HMMR: variants seen among roughly 807,000 people sequenced by gnomAD.
HMMR encodes the protein intracellular hyaluronic acid-binding protein.
Under a neutral mutation model 101.0 loss-of-function variants are expected in HMMR, and 108 were observed. The observed-to-expected ratio is 1.07, with a 90% CI of 0.92 to 1.25. The LOEUF is 1.25. Among genes scored for constraint, HMMR ranks in the 50% most tolerant of loss-of-function variants. The pLI is 0.00. For missense variants in HMMR, 813 were observed against 788.7 expected, an observed-to-expected ratio of 1.03 and a Z score of -0.37; for synonymous variants, 296 against 276.4, an observed-to-expected ratio of 1.07 and a Z score of -0.70.
At chr5:163,473,872 G>T (rs1330799060) in intron 9 of HMMR, among the ~76,000 whole-genome samples, 185 bp from the exon 10 acceptor site, 2 of 152,002 alleles carry the variant, frequency 1.3e-5, no homozygotes, top group Non-Finnish European at 2.9e-5. Flanking sequence ...AACAAGATTT[G>T]TGGGTTTTAT....
chr5:163,481,946 G>A (rs145412324), intron 12 of HMMR, among the ~76,000 whole-genome samples: 39 of 151,964 alleles, frequency 2.6e-4, no homozygotes, highest in African/African-American at 3.4e-4. Context: ...TCGGAGTTTC[G>A]CTCTTGTTGC....
chr5:163,464,383 A>C (rs1758632539), intron 2 of HMMR, among the ~76,000 whole-genome samples: 1 of 152,226 alleles, frequency 6.6e-6, no homozygotes, highest in Admixed American at 6.5e-5. Context: ...TGTGAGGCCA[A>C]GGTGGGTGGA....
Position 163,490,406 on chromosome 5 carries a change from G to T in HMMR, c.1979G>T (p.Arg660Leu). 1 of 1,578,638 alleles carries T rather than the reference G, an allele frequency of 6.3e-7. No homozygotes were observed. Among genetic ancestry groups the T allele is most frequent in the Non-Finnish European group, 8.6e-7 (1 of 1,163,610 alleles). ...TTTACCTAGGAAGTATCAAAACTCC[G>T]CTGTCAGCTTGCTAAAAAAAAACAA... is the stretch of plus-strand genomic sequence containing the variant. ...SQLKSEVSKL[R>L]CQLAKKKQSE... The change falls in exon 17 of 18, where the codon CGC (arginine) becomes CTC (leucine). Residue 660 changes from arginine (R) to leucine (L), a missense_variant. Physicochemically the swap from Arg to Leu is moderately radical, Grantham distance 102 (BLOSUM62 -2). Transcript: ENST00000393915.
At position 163,469,688 on chromosome 5, in the gene HMMR, G is replaced by C. The variant is rs750384661; in HGVS notation, c.321G>C (p.Gln107His). Reference protein sequence around the residue: ...QERGAQDRRIQDLETELEKME... With the variant: ...QERGAQDRRIHDLETELEKME... The stretch of plus-strand genomic sequence containing the variant: ...GTGGTGCCCAGGACAGGCGGATCCA[G>C]GATCTGGAAACTGAGTTGGAAAAGA... Residue 107 changes from glutamine (Q) to histidine (H), a missense_variant, in exon 5 of 18, where the codon CAG becomes CAC. Transcript: ENST00000393915. The C allele has an allele frequency of 4.3e-6, 7 of 1,613,942 alleles. No individual in the cohort carries two copies. Among genetic ancestry groups the C allele is most frequent in the African/African-American group, 1.3e-5 (1 of 74,998 alleles).
chr5:163,469,879 T>C (rs1462248508), intron 5 of HMMR, 50 bp downstream of exon 5: 2 of 1,337,712 alleles, frequency 1.5e-6, no homozygotes, highest in East Asian at 2.4e-5. Flanking sequence ...ATAAACACGT[T>C]TTTTAGGGCC....
At chr5:163,470,273 TG>T (rs1273689147) in intron 5 of HMMR, among the ~76,000 whole-genome samples, 2 of 152,180 alleles carry the variant, frequency 1.3e-5, no homozygotes, top group African/African-American at 4.8e-5. Context: ...TTTAGAGTCT[TG>T]CAATGGACTT....
chr5:163,468,214 CAT>C (rs1427217287), intron 4 of HMMR, among the ~76,000 whole-genome samples: 3 of 152,192 alleles, frequency 2.0e-5, no homozygotes, highest in African/African-American at 7.2e-5. Flanking sequence ...GGTGAAATAA[CAT>C]AGAGCTGTGC....
At position 163,490,429 on chromosome 5, in the gene HMMR, C is replaced by G. The variant is rs1473656182; in HGVS notation, c.2002C>G (p.Gln668Glu). The G allele has an allele frequency of 1.3e-6, 2 of 1,585,998 alleles. No homozygotes were observed. Among genetic ancestry groups the G allele is most frequent in the Admixed American group, 3.7e-5 (2 of 53,966 alleles). ...KLRCQLAKKK[Q>E]SETKLQEELN... ...CCGCTGTCAGCTTGCTAAAAAAAAA[C>G]AAAGTGAGACAAAACTTCAAGAGGA... Residue 668 changes from glutamine (Q) to glutamate (E), a missense_variant, in exon 17 of 18, where the codon CAA (glutamine) becomes GAA (glutamate). Gln to Glu is a conservative substitution (Grantham distance 29). Transcript: ENST00000393915.
At chr5:163,481,187 A>T (rs1349977309) in intron 12 of HMMR, among the ~76,000 whole-genome samples, 2 of 151,974 alleles carry the variant, frequency 1.3e-5, no homozygotes, top group African/African-American at 4.8e-5. Flanking sequence ...TTCCCCAGTG[A>T]TCTGTTCCCA....
At chr5:163,461,372 C>T (rs1758526849) in intron 1 of HMMR, among the ~76,000 whole-genome samples, 1 of 152,170 alleles carries the variant, frequency 6.6e-6, no homozygotes, top group Admixed American at 6.5e-5. Flanking sequence ...TAAATTTGCT[C>T]AGTGCTACAT....
In HMMR at chr5:163,483,114, A is replaced by T. The variant is rs200597994; in HGVS notation, c.1627A>T (p.Asn543Tyr). 1.3e-4 allele frequency: 206 copies of T among 1,612,514 alleles called. No homozygotes were observed. Among genetic ancestry groups the T allele is most frequent in the Non-Finnish European group, 1.6e-4 (193 of 1,179,434 alleles). Reference protein sequence around the residue: ...SFLQKITDLQNQLKQQEEDFR... With the variant: ...SFLQKITDLQYQLKQQEEDFR... ...TCTTCAAAAAATAACTGATTTGCAG[A>T]ACCAACTCAAGCAACAGGAGGAAGA... is the stretch of plus-strand genomic sequence containing the variant. The change falls in exon 14 of 18, where the codon AAC becomes TAC. Residue 543 changes from asparagine (N) to tyrosine (Y), a missense_variant. Physicochemically the swap from Asn to Tyr is moderately radical, Grantham distance 143 (BLOSUM62 -2). Transcript: ENST00000393915.
At position 163,474,220 on chromosome 5, in the gene HMMR, T is replaced by C. The variant is rs1437205958; in HGVS notation, c.1053+15T>C. The C allele has an allele frequency of 6.3e-7, 1 of 1,590,948 alleles. No homozygotes were observed. The highest frequency in any genetic ancestry group is 1.1e-5 in the South Asian group (1 of 88,260). On this transcript the variant is annotated intron_variant, in intron 10 of 17. Transcript: ENST00000393915. ...AACAAGAGAAAGTAATTTACCACCA[T>C]ATTTTTTTAAACTGTTCATTTTGTG...
chr5:163,467,014 T>C (rs1235611792), intron 3 of HMMR, among the ~76,000 whole-genome samples: 1 of 152,174 alleles, frequency 6.6e-6, no homozygotes, highest in Non-Finnish European at 1.5e-5. Flanking sequence ...AAAATAATAG[T>C]CCTTCCCCAT....
intron 17 of HMMR, 107 bp downstream of exon 17, chr5:163,490,659 C>T: frequency 1.2e-6 from 1 of 800,858 alleles, no homozygotes. Context: ...TTGACACCTT[C>T]TGATAAAAGC....
rs745439290 is a variant in HMMR at position 163,463,914 on chromosome 5, A to G, written c.105A>G (p.Pro35=). The G allele has an allele frequency of 1.5e-5, 22 of 1,476,646 alleles. No individual in the cohort carries two copies. The highest frequency in any genetic ancestry group is 4.3e-4 in the Middle Eastern group (2 of 4,610). The allele number at this position is 1,476,646 out of a possible 1,614,324, so 91.5% of individuals were successfully genotyped here. A position where few individuals can be genotyped will look rare whatever the true frequency, so the allele number is the denominator to read the frequency against. ...AAACTTTAGAAGTATTGAAAGGACC[A>G]GTATCCTTTCAGAAATCACAAAGAT... ...DVKTLEVLKG[P]VSFQKSQRFK... The change falls in exon 2 of 18, where the codon CCA becomes CCG. Residue 35 remains proline, a synonymous_variant. Transcript: ENST00000393915.
intron 3 of HMMR, 171 bp downstream of exon 3, chr5:163,464,973 A>C: frequency 1.7e-6 from 1 of 582,780 alleles, no homozygotes; most frequent in Non-Finnish European, 3.0e-6. Context: ...ATTTCTGCCT[A>C]GGTCATTATG....
intron 3 of HMMR, among the ~76,000 whole-genome samples, chr5:163,465,892 C>G (rs1210088674): frequency 6.7e-6 from 1 of 148,302 alleles, no homozygotes; most frequent in African/African-American, 2.5e-5. Flanking sequence ...ACCTGGGAGG[C>G]AGAGGTTGCA....
Position 163,490,514 on chromosome 5 carries a change from G to A in HMMR, c.2087G>A (p.Ser696Asn), listed in dbSNP as rs760877339. The A allele has an allele frequency of 7.5e-6, 12 of 1,603,016 alleles. No individual in the cohort carries two copies. Among genetic ancestry groups the A allele is most frequent in the Non-Finnish European group, 1.0e-5 (12 of 1,176,864 alleles). ...FDPSKAFHHE[S>N]KENFALKTPL... ...CCTTCAAAGGCTTTTCATCATGAAAGTAAAGAAAATTTTGCCCTGAAGACC... is the reference window on the plus strand; with the variant it reads ...CCTTCAAAGGCTTTTCATCATGAAAATAAAGAAAATTTTGCCCTGAAGACC... Residue 696 changes from serine (S) to asparagine (N), a missense_variant, in exon 17 of 18, where the codon AGT becomes AAT. Transcript: ENST00000393915.
At chr5:163,461,658 C>T (rs1184025688) in intron 1 of HMMR, among the ~76,000 whole-genome samples, 2 of 151,950 alleles carry the variant, frequency 1.3e-5, no homozygotes, top group Non-Finnish European at 2.9e-5. Flanking sequence ...GTGGCGGGCG[C>T]CTGTAGTCCC....
Sources: allele counts gnomAD v4.1 joint callset (sites outside exome capture counted in the v4.1 genomes callset), GRCh38; gene constraint gnomAD v4.1.1; transcripts MANE v1.5; gene names NCBI Gene and HGNC (gene_info 2026-07-23, HGNC 2026-07-21).